LRBA: variants seen among roughly 807,000 people sequenced by gnomAD.
The protein encoded by LRBA is LPS responsive beige-like anchor protein.
LRBA carries 176 observed loss-of-function variants against 330.0 expected under a neutral mutation model. That is an observed-to-expected ratio of 0.53 (90% confidence interval 0.47 to 0.60). The LOEUF is 0.60. Ranked by LOEUF, LRBA falls within the 20% of genes least tolerant of loss-of-function variation. The probability of loss-of-function intolerance (pLI) is 0.00; values close to 1 mark genes in which losing one functional copy is unlikely to be tolerated. For synonymous variants in LRBA, 1,230 were observed against 1,193.0 expected (o/e 1.03, Z -0.64); for missense variants, 3,259 against 3,444.8 (o/e 0.95, Z 1.35).
intron 51 of LRBA, chr4:150,315,203 G>A (rs1053467123): frequency 1.3e-5 from 4 of 307,546 alleles, no homozygotes; most frequent in South Asian, 7.6e-5. Context: ...TCACATTACC[G>A]GTGCACCAAT....
intron 48 of LRBA, among the ~76,000 whole-genome samples, chr4:150,327,295 C>T (rs1303879123): frequency 6.6e-6 from 1 of 151,962 alleles, no homozygotes; most frequent in Non-Finnish European, 1.5e-5. Context: ...TGGTGTGTGC[C>T]TCAAGTCCCA....
intron 36 of LRBA, among the ~76,000 whole-genome samples, chr4:150,687,374 T>C (rs571051672): frequency 3.9e-4 from 59 of 152,192 alleles, no homozygotes; most frequent in African/African-American, 1.4e-3. Context: ...TTAACAAATA[T>C]TGCTATTTAT....
intron 40 of LRBA, among the ~76,000 whole-genome samples, chr4:150,507,818 C>T (rs1318347470): frequency 6.6e-6 from 1 of 151,986 alleles, no homozygotes. Context: ...AAAATTTTTG[C>T]AACCAACCCA....
chr4:150,344,817 C>T (rs1316021129), intron 48 of LRBA, among the ~76,000 whole-genome samples: 1 of 152,174 alleles, frequency 6.6e-6, no homozygotes, highest in Non-Finnish European at 1.5e-5. Flanking sequence ...TCCAAAAGTG[C>T]TGGAATTATA....
intron 37 of LRBA, among the ~76,000 whole-genome samples, chr4:150,610,446 G>A (rs1775131793): frequency 6.6e-6 from 1 of 152,062 alleles, no homozygotes; most frequent in Non-Finnish European, 1.5e-5. Flanking sequence ...AAAATTATCT[G>A]GGCGTGGTGG....
intron 56 of LRBA, among the ~76,000 whole-genome samples, chr4:150,270,803 T>C (rs1745980542): frequency 6.6e-6 from 1 of 152,190 alleles, no homozygotes; most frequent in African/African-American, 2.4e-5. Context: ...GCCCTATCTT[T>C]CAGGGGACTC....
chr4:150,828,697 T>G (rs1041671882), intron 29 of LRBA, 76 bp from the exon 30 acceptor site: 3 of 1,236,462 alleles, frequency 2.4e-6, no homozygotes, highest in Admixed American at 4.4e-5. Context: ...TATTCTGTTT[T>G]AATAGCTATC....
At chr4:150,443,847 T>TTAAA (rs1554027866) in intron 44 of LRBA, among the ~76,000 whole-genome samples, 4,220 of 53,648 alleles carry the variant, frequency 0.079, 245 homozygotes, top group Middle Eastern at 0.13. Context: ...AAAGTATAAT[T>TTAAA]AAAAAAATAT....
At chr4:150,974,019 A>C (rs1219393426) in intron 2 of LRBA, among the ~76,000 whole-genome samples, 1 of 152,240 alleles carries the variant, frequency 6.6e-6, no homozygotes, top group Non-Finnish European at 1.5e-5. Flanking sequence ...GCAAAATAAC[A>C]ATGAGTACGG....
chr4:150,884,485 A>T (rs1211843005), intron 17 of LRBA, among the ~76,000 whole-genome samples: 1 of 152,196 alleles, frequency 6.6e-6, no homozygotes, highest in Non-Finnish European at 1.5e-5. Context: ...AAATATACAG[A>T]TCAACACAGT....
At chr4:150,579,850 C>T (rs778461549) in intron 40 of LRBA, 2 of 385,990 alleles carry the variant, frequency 5.2e-6, no homozygotes, top group African/African-American at 2.1e-5. Flanking sequence ...CCGGGCCATT[C>T]GCGAACCAGA....
At chr4:150,683,849 C>T (rs1334581545) in intron 36 of LRBA, 132 bp from the exon 37 acceptor site, 6 of 636,342 alleles carry the variant, frequency 9.4e-6, no homozygotes, top group Non-Finnish European at 1.1e-5. Context: ...ATTCACCTAA[C>T]TGAGATTTAG....
intron 44 of LRBA, among the ~76,000 whole-genome samples, chr4:150,446,904 C>T (rs1017847322): frequency 6.6e-6 from 1 of 152,078 alleles, no homozygotes; most frequent in African/African-American, 2.4e-5. Context: ...TTTTATTGTA[C>T]TTTTCCCTCT....
At chr4:150,402,521 A>C (rs1745629611) in intron 47 of LRBA, among the ~76,000 whole-genome samples, 3 of 152,140 alleles carry the variant, frequency 2.0e-5, no homozygotes, top group Non-Finnish European at 2.9e-5. Context: ...TACTATAGTC[A>C]CGGCATTTAA....
At chr4:150,980,360 G>A (rs183455106) in intron 2 of LRBA, among the ~76,000 whole-genome samples, 1 of 152,148 alleles carries the variant, frequency 6.6e-6, no homozygotes, top group East Asian at 1.9e-4. Flanking sequence ...GACAACCACA[G>A]ATAGTATCAT....
At chr4:150,883,721 A>T (rs999874065) in intron 17 of LRBA, among the ~76,000 whole-genome samples, 2 of 152,322 alleles carry the variant, frequency 1.3e-5, no homozygotes, top group African/African-American at 4.8e-5. Context: ...AAACTACATA[A>T]CTAATATAAA....
At position 150,416,099 on chromosome 4, in the gene LRBA, T is replaced by A. The variant is rs571657023; in HGVS notation, c.7042-509A>T. ...TTCCTCACATTTCAAAACGGTCAAG[T>A]TTAAAGATACCAACTCTGATAGAAG... On this transcript the variant is annotated intron_variant, in intron 46 of 56. Coordinates refer to ENST00000651943, the MANE Select transcript of LRBA (RefSeq NM_001364905.1). 2.2e-4 allele frequency among the ~76,000 whole-genome samples: 34 copies of A among 152,296 alleles called. 1 individual carries two copies. In the South Asian group the frequency reaches 7.0e-3, roughly 32 times the overall value.
intron 48 of LRBA, among the ~76,000 whole-genome samples, chr4:150,338,010 T>C (rs1734972348): frequency 6.6e-6 from 1 of 152,204 alleles, no homozygotes; most frequent in African/African-American, 2.4e-5. Flanking sequence ...ATAAGATATC[T>C]GATTTGCTAC....
intron 48 of LRBA, among the ~76,000 whole-genome samples, chr4:150,345,805 C>T (rs996548154): frequency 1.3e-5 from 2 of 151,888 alleles, no homozygotes; most frequent in African/African-American, 2.4e-5. Context: ...AAAGACTATT[C>T]CCCTCAACCT....
Sources: allele counts gnomAD v4.1 joint callset (sites outside exome capture counted in the v4.1 genomes callset), GRCh38; gene constraint gnomAD v4.1.1; transcripts MANE v1.5; gene names NCBI Gene and HGNC (gene_info 2026-07-23, HGNC 2026-07-21).